The following ZZEF1 variants were observed in gnomAD, a reference collection of about 807,000 sequenced individuals.
The protein encoded by ZZEF1 is zinc finger ZZ-type and EF-hand domain-containing protein 1.
Under a neutral mutation model 342.8 loss-of-function variants are expected in ZZEF1, and 157 were observed. The observed-to-expected ratio is 0.46, with a 90% CI of 0.40 to 0.52. ZZEF1 has a LOEUF of 0.52. Among genes scored for constraint, ZZEF1 ranks in the 20% least tolerant of loss-of-function variants. The pLI, the probability that ZZEF1 is intolerant of heterozygous loss-of-function variation, is 0.00. For synonymous variants in ZZEF1, 1,505 were observed against 1,429.1 expected (o/e 1.05, Z -1.20); for missense variants, 3,480 against 3,725.6 (o/e 0.93, Z 1.72).
Position 4,088,872 on chromosome 17 carries a change from A to G in ZZEF1, c.2047T>C (p.Cys683Arg). The G allele has an allele frequency of 6.2e-7, 1 of 1,614,176 alleles. No individual in the cohort carries two copies. Among genetic ancestry groups the G allele is most frequent in the Non-Finnish European group, 8.5e-7 (1 of 1,180,040 alleles). Residue 683 changes from cysteine (C) to arginine (R), a missense_variant, in exon 13 of 55, where the codon TGC becomes CGC. Physicochemically the swap from Cys to Arg is radical, Grantham distance 180 (BLOSUM62 -3). This residue lies in a region of ZZEF1 where 1,528 missense variants were observed against 1,624.1 expected (regional missense o/e 0.94). Coordinates refer to ENST00000381638, the MANE Select transcript of ZZEF1 (RefSeq NM_015113.4). ...VAKYLMVKFL[C>R]TRQESAERLG... ...CGCTCTGCTGACTCCTGACGGGTGC[A>G]GAGGAACTTCACCATCAAATACTGG...
At chr17:4,093,411 CT>C (rs2057979929) in intron 11 of ZZEF1, among the ~76,000 whole-genome samples, 2 of 152,210 alleles carry the variant, frequency 1.3e-5, no homozygotes, top group Admixed American at 1.3e-4. Context: ...TGAACAAATT[CT>C]GATTACTGAA....
chr17:4,063,510 G>A (rs1390719549), intron 29 of ZZEF1, among the ~76,000 whole-genome samples: 1 of 152,138 alleles, frequency 6.6e-6, no homozygotes, highest in Non-Finnish European at 1.5e-5. Flanking sequence ...CTAACGGTAC[G>A]TTCTTGAGAT....
At chr17:4,132,203 T>C (rs539613592) in intron 1 of ZZEF1, among the ~76,000 whole-genome samples, 772 of 19,366 alleles carry the variant, frequency 0.04, 8 homozygotes, top group Middle Eastern at 0.087. Flanking sequence ...AATTTTCTCT[T>C]TTTTTTTTTT....
chr17:4,014,400 T>C lies in ZZEF1; in HGVS notation c.8261A>G (p.Asp2754Gly). ...AMSSSSDFQQ[D>G]RHSFSGSQQK... ...CTGAGACCCGCTGAAGCTGTGTCGG[T>C]CTTGCTGGAAGTCACTGCTGCTGGA... is the stretch of plus-strand genomic sequence containing the variant. The change falls in exon 50 of 55, where the codon GAC becomes GGC. Residue 2754 changes from aspartate to glycine, a missense_variant. By Grantham distance (94) the Asp-to-Gly change is moderately conservative (BLOSUM62 -1). Transcript: ENST00000381638. The surrounding 1 kb of genome is among the most constrained non-coding windows in gnomAD (Gnocchi z 4.4). 1.2e-6 allele frequency: 2 copies of C among 1,614,250 alleles called. No homozygotes were observed. Among genetic ancestry groups the C allele is most frequent in the Non-Finnish European group, 1.7e-6 (2 of 1,180,050 alleles).
rs1419302354 is a variant in ZZEF1 at position 4,017,802 on chromosome 17, G to A, written c.7641+34C>T. On this transcript the variant is annotated intron_variant, in intron 47 of 54. Transcript: ENST00000381638. This position sits in a 1 kb window ranked among gnomAD's most constrained non-coding sequence, Gnocchi z 5.1. Reference sequence around the variant, plus strand: ...GGTGGTATGGGGTGGGGGATGGGGTGCAGATACTTTGGGTCCGAGGTCGGG... The same window carrying A: ...GGTGGTATGGGGTGGGGGATGGGGTACAGATACTTTGGGTCCGAGGTCGGG... 1.2e-6 allele frequency: 2 copies of A among 1,614,048 alleles called. No homozygotes were observed. The highest frequency in any genetic ancestry group is 1.6e-4 in the Middle Eastern group (1 of 6,062).
In ZZEF1 at chr17:4,021,281, T is replaced by C; in HGVS notation, c.7252A>G (p.Asn2418Asp). 6.2e-7 allele frequency: 1 copy of C among 1,614,066 alleles called. No individual in the cohort carries two copies. The highest frequency in any genetic ancestry group is 1.1e-5 in the South Asian group (1 of 91,056). ...AGGTCTCCGTGCTCAGCCAAAGCGT[T>C]GATCTCCTTTTTTGAGGAGTACAGC... Reference protein sequence around the residue: ...IMLYSSKKEINALAEHGDLEL... With the variant: ...IMLYSSKKEIDALAEHGDLEL... Residue 2418 changes from asparagine to aspartate, a missense_variant, in exon 45 of 55, where the codon AAC becomes GAC. By Grantham distance (23) the Asn-to-Asp change is conservative. Coordinates refer to ENST00000381638, the MANE Select transcript of ZZEF1 (RefSeq NM_015113.4).
intron 12 of ZZEF1, among the ~76,000 whole-genome samples, chr17:4,089,479 T>C (rs1053897162): frequency 5.3e-5 from 8 of 152,258 alleles, no homozygotes; most frequent in African/African-American, 1.9e-4. Context: ...TAATTACTTA[T>C]TTAAGCCTGA....
At chr17:4,136,619 C>T (rs754500884) in intron 1 of ZZEF1, among the ~76,000 whole-genome samples, 1 of 152,120 alleles carries the variant, frequency 6.6e-6, no homozygotes. Flanking sequence ...ACTCATAACA[C>T]GGCAAACCCG....
chr17:4,053,285 T>C (rs183071053), intron 34 of ZZEF1, among the ~76,000 whole-genome samples: 3 of 152,350 alleles, frequency 2.0e-5, no homozygotes, highest in African/African-American at 7.2e-5. Flanking sequence ...CATCACTTAG[T>C]TGGGCAAACA....
chr17:4,119,828 T>C (rs1182635219), intron 2 of ZZEF1, among the ~76,000 whole-genome samples: 3 of 152,170 alleles, frequency 2.0e-5, no homozygotes, highest in East Asian at 3.8e-4. Context: ...TGGTTCTCCA[T>C]ATATGGCCAA....
At chr17:4,085,611 T>C (rs1006470439) in intron 16 of ZZEF1, 59 bp downstream of exon 16, 23 of 1,604,274 alleles carry the variant, frequency 1.4e-5, no homozygotes, top group Admixed American at 5.1e-5. Flanking sequence ...TAACAAAGCC[T>C]AGCAAATTTC....
chr17:4,094,279 C>A (rs1567836145), intron 11 of ZZEF1, among the ~76,000 whole-genome samples: 1 of 152,076 alleles, frequency 6.6e-6, no homozygotes, highest in East Asian at 1.9e-4. Context: ...GTAGCTGGGA[C>A]TACAGGCGCG....
intron 1 of ZZEF1, among the ~76,000 whole-genome samples, chr17:4,128,460 T>TG (rs972166438): frequency 9.4e-5 from 14 of 148,196 alleles, no homozygotes; most frequent in African/African-American, 1.8e-4. Flanking sequence ...CTAAAGTTGT[T>TG]TTTTTTTTTT....
intron 24 of ZZEF1, among the ~76,000 whole-genome samples, chr17:4,073,403 T>C (rs1898131769): frequency 6.6e-6 from 1 of 152,144 alleles, no homozygotes; most frequent in South Asian, 2.1e-4. Flanking sequence ...CCTGGAAGAA[T>C]TAAATAAACA....
At chr17:4,051,161 G>A in intron 35 of ZZEF1, 118 bp from the exon 36 acceptor site, 1 of 1,327,938 alleles carries the variant, frequency 7.5e-7, no homozygotes, top group East Asian at 2.3e-5. Flanking sequence ...TCACCTCTAG[G>A]ATGCGCTTAC....
At chr17:4,037,378 T>C (rs141522930) in intron 39 of ZZEF1, among the ~76,000 whole-genome samples, 2 of 152,322 alleles carry the variant, frequency 1.3e-5, no homozygotes, top group African/African-American at 2.4e-5. Flanking sequence ...TCATCTGTGA[T>C]TTTCCTGCCC....
At chr17:4,132,199 CTCT>C (rs1179180459) in intron 1 of ZZEF1, among the ~76,000 whole-genome samples, 2 of 117,858 alleles carry the variant, frequency 1.7e-5, no homozygotes, top group African/African-American at 5.5e-5. Flanking sequence ...CCTAAATTTT[CTCT>C]TTTTTTTTTT....
rs1204414834 is a variant in ZZEF1 at position 4,042,301 on chromosome 17, A to T, written c.6306+128T>A. ...ATATAGGAAGGGTCAGAAGAAAATAATTATAACTTCTAATCCTACCCTTAA... is the reference window on the plus strand; with the variant it reads ...ATATAGGAAGGGTCAGAAGAAAATATTTATAACTTCTAATCCTACCCTTAA... On this transcript the variant is annotated intron_variant, in intron 39 of 54. Coordinates refer to ENST00000381638, the MANE Select transcript of ZZEF1 (RefSeq NM_015113.4). The T allele has an allele frequency of 4.9e-6, 5 of 1,028,650 alleles. No homozygotes were observed. In the East Asian group the frequency reaches 1.2e-4, roughly 25 times the overall value. The allele number at this position is 1,028,650 out of a possible 1,614,324, so 63.7% of individuals were successfully genotyped here.
rs1380885370 is a variant in ZZEF1 at position 4,050,971 on chromosome 17, G to T, written c.5673C>A (p.Ile1891=). 4 of 1,614,216 alleles carry T rather than the reference G, an allele frequency of 2.5e-6. No individual in the cohort carries two copies. The highest frequency in any genetic ancestry group is 3.4e-6 in the Non-Finnish European group (4 of 1,180,052). ...TIRISDRQRL[I]QPYIHNYSWL... Reference sequence around the variant, plus strand: ...AGGAGTAGTTATGGATATATGGCTGGATGAGCCTCTGCCGGTCACTGATCC... The same window carrying T: ...AGGAGTAGTTATGGATATATGGCTGTATGAGCCTCTGCCGGTCACTGATCC... Residue 1891 remains isoleucine, a synonymous_variant, in exon 36 of 55, where the codon ATC becomes ATA. Coordinates refer to ENST00000381638, the MANE Select transcript of ZZEF1 (RefSeq NM_015113.4).
Sources: gnomAD v4.1 joint callset for allele counts (sites outside exome capture counted in the v4.1 genomes callset) on GRCh38, gnomAD v4.1.1 for gene constraint, gnomAD v4.1.1 regional missense constraint, Gnocchi (gnomAD v3.1) non-coding constraint, MANE v1.5 for transcripts, NCBI Gene and HGNC (gene_info 2026-07-23, HGNC 2026-07-21) for gene names.